COPA: variants seen among roughly 807,000 people sequenced by gnomAD.
COPA encodes the protein coat protein complex I subunit alpha.
A neutral mutation model predicts 158.7 loss-of-function variants in COPA; 10 were observed. That is an observed-to-expected ratio of 0.06 (90% CI 0.04 to 0.11). COPA has a LOEUF of 0.11. Ranked by LOEUF, COPA falls within the 10% of genes least tolerant of loss-of-function variation. COPA has a pLI of 1.00. For missense variants in COPA, 1,065 were observed against 1,536.7 expected (o/e 0.69, Z 5.13); for synonymous variants, 462 against 542.8 (o/e 0.85, Z 2.07).
At position 160,339,948 on chromosome 1, in the gene COPA, C is replaced by T. The variant is rs1647957760; in HGVS notation, c.189G>A (p.Gln63=). The T allele has an allele frequency of 6.2e-7, 1 of 1,614,118 alleles. No homozygotes were observed. The highest frequency in any genetic ancestry group is 8.5e-7 in the Non-Finnish European group (1 of 1,179,976). The change falls in exon 3 of 33, where the codon CAG becomes CAA. Residue 63 remains glutamine, a synonymous_variant. Coordinates refer to ENST00000241704, the MANE Select transcript of COPA (RefSeq NM_004371.4). ...CATCTCCTCCAGAGACGAACAGTGG[C>T]TGCTGCTTATGGAAGTCAATGCCTC... ...PVRGIDFHKQ[Q]PLFVSGGDDY...
Position 160,291,357 on chromosome 1 carries a change from G to A in COPA, c.3398C>T (p.Pro1133Leu), listed in dbSNP as rs1158634304. The A allele has an allele frequency of 6.2e-7, 1 of 1,613,770 alleles. No individual in the cohort carries two copies. Among genetic ancestry groups the A allele is most frequent in the Admixed American group, 1.7e-5 (1 of 60,012 alleles). Residue 1133 changes from proline to leucine, a missense_variant, in exon 31 of 33, where the codon CCC becomes CTC. Physicochemically the swap from Pro to Leu is moderately conservative, Grantham distance 98. This residue lies in a region of COPA where 980 missense variants were observed against 1,357.8 expected (regional missense o/e 0.72). Coordinates refer to ENST00000241704, the MANE Select transcript of COPA (RefSeq NM_004371.4). ...TFARRLLELG[P>L]KPEVAQQTRK... ...TACCTGTTGGGCCACCTCAGGCTTGGGCCCGAGTTCTAGTAGGCGCCGAGC... is the reference window on the plus strand; with the variant it reads ...TACCTGTTGGGCCACCTCAGGCTTGAGCCCGAGTTCTAGTAGGCGCCGAGC...
At chr1:160,341,896 T>C (rs1219090850) in intron 1 of COPA, among the ~76,000 whole-genome samples, 1 of 152,226 alleles carries the variant, frequency 6.6e-6, no homozygotes, top group African/African-American at 2.4e-5. Flanking sequence ...TTTTTCCTTC[T>C]GTACTGCCCA....
At chr1:160,306,316 C>T in intron 15 of COPA, 38 bp downstream of exon 15, 5 of 1,550,936 alleles carry the variant, frequency 3.2e-6, no homozygotes, top group Non-Finnish European at 4.3e-6. Context: ...CTCTCCCCAA[C>T]TACAGGGCTG....
chr1:160,333,105 G>C (rs911790178), intron 5 of COPA, among the ~76,000 whole-genome samples: 2 of 152,198 alleles, frequency 1.3e-5, no homozygotes, highest in Non-Finnish European at 2.9e-5. Flanking sequence ...TGTATTTTTA[G>C]TAGAGACGGG....
At chr1:160,337,468 C>T (rs1432824433) in intron 3 of COPA, among the ~76,000 whole-genome samples, 1 of 152,190 alleles carries the variant, frequency 6.6e-6, no homozygotes, top group Non-Finnish European at 1.5e-5. Context: ...GCCTGTAATC[C>T]CAGCACTTTG....
chr1:160,317,687 G>C (rs781554082), intron 8 of COPA: 16 of 1,487,478 alleles, frequency 1.1e-5, no homozygotes, highest in Non-Finnish European at 1.5e-5. Flanking sequence ...GAACAAATGG[G>C]GGGTCATTCA....
intron 17 of COPA, among the ~76,000 whole-genome samples, chr1:160,299,803 A>C (rs1658540176): frequency 6.6e-6 from 1 of 152,216 alleles, no homozygotes; most frequent in African/African-American, 2.4e-5. Flanking sequence ...GAAAATTAAC[A>C]AGCAGTCATC....
At chr1:160,303,037 G>T (rs984876071) in intron 17 of COPA, among the ~76,000 whole-genome samples, 2 of 152,068 alleles carry the variant, frequency 1.3e-5, no homozygotes, top group African/African-American at 4.8e-5. Context: ...GCTGGGTGTG[G>T]TGGCATGCGC....
At chr1:160,304,783 TA>T (rs1257641017) in intron 17 of COPA, among the ~76,000 whole-genome samples, 1 of 152,018 alleles carries the variant, frequency 6.6e-6, no homozygotes, top group African/African-American at 2.4e-5. Flanking sequence ...AGAAAACAGG[TA>T]AAAAAGAATG....
At chr1:160,305,795 A>C (rs1658767647) in intron 15 of COPA, 22 bp from the exon 16 acceptor site, 1 of 1,584,390 alleles carries the variant, frequency 6.3e-7, no homozygotes, top group Admixed American at 1.7e-5. Flanking sequence ...AGAGATGTGC[A>C]AACATGAATG....
At chr1:160,324,304 T>C (rs1659423603) in intron 7 of COPA, among the ~76,000 whole-genome samples, 1 of 147,874 alleles carries the variant, frequency 6.8e-6, no homozygotes, top group Admixed American at 6.7e-5. Flanking sequence ...TTTTTTTTTT[T>C]TTTTAAGATG....
At chr1:160,318,997 A>G (rs1239591933) in intron 8 of COPA, among the ~76,000 whole-genome samples, 1 of 152,174 alleles carries the variant, frequency 6.6e-6, no homozygotes. Flanking sequence ...AAACAAAACC[A>G]GAAAACAAGC....
Position 160,299,226 on chromosome 1 carries a change from T to C in COPA, c.1706A>G (p.Tyr569Cys), listed in dbSNP as rs762273358. Residue 569 changes from tyrosine (Y) to cysteine (C), a missense_variant, in exon 18 of 33, where the codon TAT (tyrosine) becomes TGT (cysteine). Tyr to Cys is a radical substitution (Grantham distance 194, BLOSUM62 -2). Around this residue, in one of 2 missense-constraint regions of COPA, gnomAD observed 980 missense variants for 1,357.8 expected, o/e 0.72. Transcript: ENST00000241704. ...ATTGTTGCCCTTCACCCGTGTGACA[T>C]AGATGGGTAAATCCAGAGTTCGAAT... is the stretch of plus-strand genomic sequence containing the variant. ...GIIRTLDLPI[Y>C]VTRVKGNNVY... 9 of 1,613,902 alleles carry C rather than the reference T, an allele frequency of 5.6e-6. No homozygotes were observed. Among genetic ancestry groups the C allele is most frequent in the African/African-American group, 2.7e-5 (2 of 74,886 alleles).
chr1:160,297,508 T>G (rs1458882286), intron 20 of COPA, 48 bp downstream of exon 20: 1 of 1,612,498 alleles, frequency 6.2e-7, no homozygotes, highest in South Asian at 1.1e-5. Flanking sequence ...TTCACCTTCC[T>G]CCTTCCCCCA....
intron 12 of COPA, among the ~76,000 whole-genome samples, chr1:160,309,487 C>T (rs567133883): frequency 6.6e-6 from 1 of 151,672 alleles, no homozygotes; most frequent in Admixed American, 6.6e-5. Flanking sequence ...ATTCTGGTAC[C>T]CCACCCTGAG....
At chr1:160,303,034 G>T (rs113110474) in intron 17 of COPA, among the ~76,000 whole-genome samples, 3,933 of 152,134 alleles carry the variant, frequency 0.026, 208 homozygotes, top group African/African-American at 0.091. Flanking sequence ...TTAGCTGGGT[G>T]TGGTGGCATG....
At chr1:160,302,543 A>G (rs953256162) in intron 17 of COPA, among the ~76,000 whole-genome samples, 18 of 146,970 alleles carry the variant, frequency 1.2e-4, no homozygotes, top group Admixed American at 1.1e-3. Flanking sequence ...GGAATTTCAC[A>G]AGTTACTTTT....
Position 160,313,182 on chromosome 1 carries a change from CA to C in COPA, c.843-16del. The C allele has an allele frequency of 1.2e-6, 2 of 1,610,752 alleles. No individual in the cohort carries two copies. The highest frequency in any genetic ancestry group is 1.7e-6 in the Non-Finnish European group (2 of 1,177,468). On this transcript the variant is annotated splice_polypyrimidine_tract_variant and intron_variant, in intron 9 of 32. Transcript: ENST00000241704. ...GAACCCCAGTCCTAGAAAAGGTACA[CA>C]AAAAGAAAAACATTAATTTCCTAGG...
rs771056848 is a variant in COPA at position 160,313,176 on chromosome 1, G to A, written c.843-9C>T. 2.5e-6 allele frequency: 4 copies of A among 1,612,632 alleles called. No homozygotes were observed. The highest frequency in any genetic ancestry group is 2.2e-5 in the East Asian group (1 of 44,836). On this transcript the variant is annotated splice_polypyrimidine_tract_variant and intron_variant, in intron 9 of 32. Coordinates refer to ENST00000241704, the MANE Select transcript of COPA (RefSeq NM_004371.4). ...AAGTCTGAACCCCAGTCCTAGAAAA[G>A]GTACACAAAAAGAAAAACATTAATT...
Sources: allele counts gnomAD v4.1 joint callset (sites outside exome capture counted in the v4.1 genomes callset), GRCh38; gene constraint gnomAD v4.1.1; regional missense constraint gnomAD v4.1.1; transcripts MANE v1.5; gene names NCBI Gene and HGNC (gene_info 2026-07-23, HGNC 2026-07-21).